BRCA1: variants seen among roughly 807,000 people sequenced by gnomAD.
BRCA1 encodes the protein breast cancer type 1 susceptibility protein.
In BRCA1, 140 loss-of-function variants were observed where a neutral mutation model predicts 173.7. The observed-to-expected ratio is 0.81, with a 90% confidence interval of 0.70 to 0.93. BRCA1 has a LOEUF of 0.93. BRCA1 is among the 40% of genes least tolerant of loss of function. The pLI is 0.00. For missense variants in BRCA1, 1,983 were observed against 2,172.5 expected (o/e 0.91, Z 1.73); for synonymous variants, 662 against 756.0 (o/e 0.88, Z 2.04).
intron 21 of BRCA1, among the ~76,000 whole-genome samples, chr17:43,048,211 C>CT (rs956156557): frequency 4.7e-5 from 7 of 150,496 alleles, no homozygotes; most frequent in African/African-American, 9.8e-5. Flanking sequence ...CTCTCTCTCT[C>CT]TTTTTTTTTG....
intron 1 of BRCA1, among the ~76,000 whole-genome samples, chr17:43,134,527 G>T (rs1410628124): frequency 2.0e-5 from 3 of 152,208 alleles, no homozygotes; most frequent in Non-Finnish European, 4.4e-5. Context: ...AGCCACCAAG[G>T]ATCATGCTGT....
intron 16 of BRCA1, among the ~76,000 whole-genome samples, chr17:43,065,819 A>G (rs2052045947): frequency 6.6e-6 from 1 of 152,236 alleles, no homozygotes; most frequent in Admixed American, 6.5e-5. Context: ...GAGCCCCATG[A>G]GTGAGTCTTA....
At chr17:43,089,179 T>C (rs988741914) in intron 11 of BRCA1, among the ~76,000 whole-genome samples, 1 of 152,026 alleles carries the variant, frequency 6.6e-6, no homozygotes, top group African/African-American at 2.4e-5. Context: ...GAGCTGGGTG[T>C]GGTGGCAGTC....
At chr17:43,056,628 G>A (rs1034055208) in intron 19 of BRCA1, among the ~76,000 whole-genome samples, 7 of 151,858 alleles carry the variant, frequency 4.6e-5, no homozygotes, top group Non-Finnish European at 1.0e-4. Flanking sequence ...AGCTGAGATC[G>A]CACCACTGCA....
chr17:43,169,129 ACTT>A (rs1292418281), intron 1 of BRCA1, among the ~76,000 whole-genome samples: 6 of 151,474 alleles, frequency 4.0e-5, no homozygotes, highest in East Asian at 1.9e-4. Flanking sequence ...TATTCCTGGC[ACTT>A]CTTCTTCCGC....
intron 19 of BRCA1, among the ~76,000 whole-genome samples, chr17:43,056,380 T>C (rs2051458865): frequency 1.3e-5 from 2 of 152,102 alleles, no homozygotes; most frequent in Non-Finnish European, 2.9e-5. Context: ...GGTTTTGCCA[T>C]GTTGCCCAGG....
chr17:43,100,605 AT>A (rs1306949488), intron 6 of BRCA1, among the ~76,000 whole-genome samples: 1 of 92,494 alleles, frequency 1.1e-5, no homozygotes, highest in Non-Finnish European at 2.1e-5. Context: ...TTATATATAT[AT>A]AACATATATA....
intron 19 of BRCA1, among the ~76,000 whole-genome samples, chr17:43,054,038 A>G (rs948169600): frequency 6.6e-6 from 1 of 152,178 alleles, no homozygotes; most frequent in African/African-American, 2.4e-5. Context: ...GAAAAATACT[A>G]TGGTGACATT....
At chr17:43,103,931 AC>A (rs1205833376) in intron 6 of BRCA1, among the ~76,000 whole-genome samples, 190 bp downstream of exon 6, 3 of 151,198 alleles carry the variant, frequency 2.0e-5, no homozygotes, top group Non-Finnish European at 4.4e-5. Flanking sequence ...ACATGATGAA[AC>A]CCCGTCTCTA....
At chr17:43,098,352 T>A (rs2054224777) in intron 7 of BRCA1, among the ~76,000 whole-genome samples, 1 of 151,916 alleles carries the variant, frequency 6.6e-6, no homozygotes, top group Admixed American at 6.6e-5. Flanking sequence ...AAAAATTTAT[T>A]ATTTTTAAAA....
chr17:43,064,495 G>GA (rs2153622791), intron 16 of BRCA1, among the ~76,000 whole-genome samples: 1 of 152,326 alleles, frequency 6.6e-6, no homozygotes, highest in African/African-American at 2.4e-5. Flanking sequence ...AAGTATTTCA[G>GA]AAAGCAGTAG....
At chr17:43,159,894 T>G (rs2056224422) in intron 1 of BRCA1, among the ~76,000 whole-genome samples, 1 of 152,164 alleles carries the variant, frequency 6.6e-6, no homozygotes, top group Non-Finnish European at 1.5e-5. Context: ...TTTCCTTTTA[T>G]AAATGAAGAA....
chr17:43,068,255 C>T lies in BRCA1; in HGVS notation c.4987-560G>A, dbSNP rs8176230. ...TGGCGCCACTGCACTCTAGCCTGGG[C>T]GAGAGTGCGAGACTCCGTCTCAAAA... On this transcript the variant is annotated intron_variant, in intron 15 of 22. Coordinates refer to ENST00000357654, the MANE Select transcript of BRCA1 (RefSeq NM_007294.4). Among the ~76,000 whole-genome samples the T allele has an allele frequency of 2.9e-4, 43 of 147,478 alleles. No homozygotes were observed. In the South Asian group the frequency reaches 6.6e-3, roughly 23 times the overall value.
rs1567799713 is a variant in BRCA1 at position 43,094,122 on chromosome 17, C to T, written c.1409G>A (p.Ser470Asn). ...AGTTACATGGCTTAAGTTGGGGAGGCTTGCCTTCTTCCGATAGGTTTTCCC... is the reference window on the plus strand; with the variant it reads ...AGTTACATGGCTTAAGTTGGGGAGGTTTGCCTTCTTCCGATAGGTTTTCCC... The part of the protein sequence containing the change: ...IFGKTYRKKA[S>N]LPNLSHVTEN... The change falls in exon 10 of 23, where the codon AGC becomes AAC. Residue 470 changes from serine to asparagine, a missense_variant. By Grantham distance (46) the Ser-to-Asn change is conservative. Coordinates refer to ENST00000357654, the MANE Select transcript of BRCA1 (RefSeq NM_007294.4). 4 of 1,614,070 alleles carry T rather than the reference C, an allele frequency of 2.5e-6. No individual in the cohort carries two copies. The African/African-American group carries it at 5.3e-5, about 22-fold the overall frequency.
intron 13 of BRCA1, among the ~76,000 whole-genome samples, chr17:43,075,096 G>GT (rs2052652887): frequency 6.6e-6 from 1 of 151,676 alleles, no homozygotes; most frequent in Admixed American, 6.6e-5. Flanking sequence ...AAGGAAGAAA[G>GT]AAAGGAGGAA....
chr17:43,045,496 C>T lies in BRCA1; in HGVS notation c.*182G>A. On this transcript the variant is annotated 3_prime_UTR_variant, in exon 23 of 23. Transcript: ENST00000357654. ...GCAGATTTCCAAGGGAGACTTCAAG[C>T]AGAAAATCTTTAAGGGACCCTTGCA... is the stretch of plus-strand genomic sequence containing the variant. 1 of 962,642 alleles carries T rather than the reference C, an allele frequency of 1.0e-6. No homozygotes were observed. The highest frequency in any genetic ancestry group is 1.6e-6 in the Non-Finnish European group (1 of 616,724). 59.6% of individuals were successfully genotyped at this position (962,642 alleles called of 1,614,324 possible).
chr17:43,061,652 G>A (rs527601907), intron 18 of BRCA1, among the ~76,000 whole-genome samples: 11 of 151,410 alleles, frequency 7.3e-5, no homozygotes, highest in African/African-American at 2.7e-4. Context: ...GTGCAATCTA[G>A]GCTCACTGCA....
chr17:43,077,388 T>C (rs1019874592), intron 12 of BRCA1, among the ~76,000 whole-genome samples: 2 of 151,586 alleles, frequency 1.3e-5, no homozygotes, highest in African/African-American at 4.8e-5. Context: ...TGAAGTGCAA[T>C]GGTGCAATCT....
chr17:43,129,678 G>A (rs1333028747), upstream of BRCA1, among the ~76,000 whole-genome samples: 3 of 152,236 alleles, frequency 2.0e-5, no homozygotes, highest in African/African-American at 4.8e-5. Context: ...GTTTCACCGC[G>A]TTAGCCAGGA....
Sources: gnomAD v4.1 joint callset for allele counts (sites outside exome capture counted in the v4.1 genomes callset) on GRCh38, gnomAD v4.1.1 for gene constraint, MANE v1.5 for transcripts, NCBI Gene and HGNC (gene_info 2026-07-23, HGNC 2026-07-21) for gene names.